The following BZW2 variants were observed in gnomAD, a reference collection of about 807,000 sequenced individuals.
BZW2 encodes the protein eIF5-mimic protein 1.
In BZW2, 23 loss-of-function variants were observed where a neutral mutation model predicts 53.2. The observed-to-expected ratio is 0.43, with a 90% CI of 0.31 to 0.61. BZW2 has a LOEUF of 0.61. BZW2 is among the 20% of genes least tolerant of loss of function. BZW2 has a pLI of 0.09. For missense variants in BZW2, 409 were observed against 503.1 expected, an observed-to-expected ratio of 0.81 and a Z score of 1.79; for synonymous variants, 227 against 186.4, an observed-to-expected ratio of 1.22 and a Z score of -1.77.
rs562938854 is a variant in BZW2 at position 16,672,210 on chromosome 7, T to C, written c.59-2202T>C. 5.3e-5 allele frequency among the ~76,000 whole-genome samples: 8 copies of C among 152,280 alleles called. No individual in the cohort carries two copies. The East Asian group carries it at 1.6e-3, about 30-fold the overall frequency. ...CAGACAGCCATGTACTTGGAAACAATCTTTCATTTCTGGGAGATTTATTGA... is the reference window on the plus strand; with the variant it reads ...CAGACAGCCATGTACTTGGAAACAACCTTTCATTTCTGGGAGATTTATTGA... On this transcript the variant is annotated intron_variant, in intron 2 of 11. Coordinates refer to ENST00000258761, the MANE Select transcript of BZW2 (RefSeq NM_014038.3).
At chr7:16,702,870 A>G (rs1222109179) in intron 10 of BZW2, among the ~76,000 whole-genome samples, 1 of 152,212 alleles carries the variant, frequency 6.6e-6, no homozygotes, top group Non-Finnish European at 1.5e-5. Flanking sequence ...TAAACTCAAA[A>G]ATATACATAT....
At chr7:16,701,269 T>A (rs1214149255) in intron 10 of BZW2, among the ~76,000 whole-genome samples, 1 of 152,168 alleles carries the variant, frequency 6.6e-6, no homozygotes, top group African/African-American at 2.4e-5. Context: ...TAATTTTCTC[T>A]TCTTTTTTCC....
intron 6 of BZW2, chr7:16,686,335 C>T (rs751522676): frequency 3.4e-6 from 1 of 297,910 alleles, no homozygotes; most frequent in Non-Finnish European, 6.4e-6. Flanking sequence ...ACCCCGAAAT[C>T]GATCTGGTAA....
chr7:16,656,557 A>G (rs1722726), intron 1 of BZW2, among the ~76,000 whole-genome samples: 2,531 of 19,076 alleles, frequency 0.13, 49 homozygotes, highest in African/African-American at 0.21. Flanking sequence ...GCGCGCGCGC[A>G]CACACACACA....
intron 10 of BZW2, among the ~76,000 whole-genome samples, chr7:16,701,141 G>C (rs962978163): frequency 3.3e-5 from 5 of 152,140 alleles, no homozygotes; most frequent in African/African-American, 7.2e-5. Flanking sequence ...AAAAAGTGGT[G>C]ATGGGTCATT....
intron 10 of BZW2, among the ~76,000 whole-genome samples, chr7:16,703,480 TTC>T (rs564238742): frequency 8.3e-4 from 127 of 152,318 alleles, no homozygotes; most frequent in African/African-American, 2.5e-3. Flanking sequence ...ATTAAATTGT[TTC>T]TGTCATTTTC....
chr7:16,696,838 T>C, intron 8 of BZW2, 77 bp from the exon 9 acceptor site: 5 of 1,485,858 alleles, frequency 3.4e-6, no homozygotes, highest in Non-Finnish European at 4.6e-6. Context: ...AAAACCTTGA[T>C]TGACTGGGCA....
chr7:16,698,504 T>G (rs1262411643), intron 10 of BZW2, among the ~76,000 whole-genome samples: 3 of 152,232 alleles, frequency 2.0e-5, no homozygotes, highest in African/African-American at 7.2e-5. Context: ...TTGTAAGGAT[T>G]AGCTCTAATA....
chr7:16,671,818 C>T (rs1172277102), intron 2 of BZW2, among the ~76,000 whole-genome samples: 3 of 151,400 alleles, frequency 2.0e-5, no homozygotes, highest in Non-Finnish European at 4.4e-5. Context: ...GTAGTCCCAG[C>T]TACTTGGGAA....
Position 16,675,656 on chromosome 7 carries a change from A to T in BZW2, c.235+1068A>T, listed in dbSNP as rs1782740870. Among the ~76,000 whole-genome samples the T allele has an allele frequency of 2.6e-5, 4 of 152,238 alleles. No homozygotes were observed. In the South Asian group the frequency reaches 8.3e-4, roughly 32 times the overall value. On this transcript the variant is annotated intron_variant, in intron 3 of 11. Coordinates refer to ENST00000258761, the MANE Select transcript of BZW2 (RefSeq NM_014038.3). ...ATACTGAATTAGTTTTGTTGTTCTT[A>T]TTGTTTATGAAGAGCTTACATTATG...
At chr7:16,705,144 G>A (rs6979331) in intron 11 of BZW2, among the ~76,000 whole-genome samples, 38,899 of 151,462 alleles carry the variant, frequency 0.26, 5,841 homozygotes, top group South Asian at 0.34. Context: ...ATCACCTGAG[G>A]TCAGGAGTTT....
chr7:16,685,800 G>C, intron 5 of BZW2, 105 bp from the exon 6 acceptor site: 1 of 1,344,374 alleles, frequency 7.4e-7, no homozygotes, highest in Non-Finnish European at 9.8e-7. Context: ...ACGTAGCCAT[G>C]GATGTTCACA....
intron 1 of BZW2, among the ~76,000 whole-genome samples, chr7:16,654,016 G>C (rs1782054022): frequency 7.0e-6 from 1 of 142,290 alleles, no homozygotes; most frequent in Non-Finnish European, 1.5e-5. Flanking sequence ...GGTGGCCAAG[G>C]TGGGCAGATC....
chr7:16,681,723 T>C (rs935445681), intron 4 of BZW2, among the ~76,000 whole-genome samples: 1 of 152,032 alleles, frequency 6.6e-6, no homozygotes, highest in African/African-American at 2.4e-5. Context: ...TCCCAGCTAC[T>C]TGGGAGGCTG....
At chr7:16,649,065 A>G (rs1291795464) in intron 1 of BZW2, among the ~76,000 whole-genome samples, 1 of 151,976 alleles carries the variant, frequency 6.6e-6, no homozygotes, top group East Asian at 1.9e-4. Flanking sequence ...CTTCTTATGG[A>G]TTCTAGCGAC....
chr7:16,679,220 C>A (rs1487086928), intron 3 of BZW2, among the ~76,000 whole-genome samples: 1 of 152,070 alleles, frequency 6.6e-6, no homozygotes, highest in Non-Finnish European at 1.5e-5. Context: ...TGATAAATGT[C>A]CATGAAATCT....
chr7:16,685,876 C>CTTTTTTTTTTTTTTTTTTT, intron 5 of BZW2, 29 bp from the exon 6 acceptor site: 14 of 1,293,582 alleles, frequency 1.1e-5, no homozygotes, highest in East Asian at 9.1e-5. Context: ...TTTTCTTTTT[C>CTTTTTTTTTTTTTTTTTTT]TTTTTTTTTT....
At position 16,646,256 on chromosome 7, in the gene BZW2, A is replaced by G. The variant is rs904370615; in HGVS notation, c.-40A>G. ...TGCTGCACGAATCGCCGCAGCCCCCAGCCTTGCGCGTCGTCGCTACCTCCT... is the reference window on the plus strand; with the variant it reads ...TGCTGCACGAATCGCCGCAGCCCCCGGCCTTGCGCGTCGTCGCTACCTCCT... On this transcript the variant is annotated 5_prime_UTR_variant, in exon 1 of 12. Transcript: ENST00000258761. 2 of 292,968 alleles carry G rather than the reference A, an allele frequency of 6.8e-6. No individual in the cohort carries two copies. The highest frequency in any genetic ancestry group is 4.5e-5 in the African/African-American group (2 of 43,972). 18.1% of individuals were successfully genotyped at this position (292,968 alleles called of 1,614,324 possible).
rs34699573 is a variant in BZW2 at position 16,685,876 on chromosome 7, C to CTTTTTTTTTTTTT, written c.406-22_406-10dup. ...TTCCTTTTTTTTTCTTTTTCTTTTT[C>CTTTTTTTTTTTTT]TTTTTTTTTTTTTTTTTTTGACCCA... On this transcript the variant is annotated intron_variant, in intron 5 of 11. Transcript: ENST00000258761. 4.2e-4 allele frequency: 541 copies of CTTTTTTTTTTTTT among 1,294,552 alleles called. 2 individuals carry two copies. Among genetic ancestry groups the CTTTTTTTTTTTTT allele is most frequent in the South Asian group, 1.8e-3 (103 of 58,164 alleles). The allele number at this position is 1,294,552 out of a possible 1,614,324, so 80.2% of individuals were successfully genotyped here. A position where few individuals can be genotyped will look rare whatever the true frequency, so the allele number is the denominator to read the frequency against.
Sources: allele counts gnomAD v4.1 joint callset (sites outside exome capture counted in the v4.1 genomes callset), GRCh38; gene constraint gnomAD v4.1.1; transcripts MANE v1.5; gene names NCBI Gene and HGNC (gene_info 2026-07-23, HGNC 2026-07-21).